Variants in LRCH3 observed in about 807,000 individuals in gnomAD.
LRCH3 encodes the protein leucine rich repeats and calponin homology domain containing 3, also known as DISP complex protein LRCH3.
A neutral mutation model predicts 104.5 loss-of-function variants in LRCH3; 68 were observed. The observed-to-expected ratio is 0.65, with a 90% CI of 0.54 to 0.80. LRCH3 has a LOEUF of 0.80. Ranked by LOEUF, LRCH3 falls within the 30% of genes least tolerant of loss-of-function variation. The pLI, the probability that LRCH3 is intolerant of heterozygous loss-of-function variation, is 0.00. For missense variants in LRCH3, 951 were observed against 953.9 expected (o/e 1.00, Z 0.04); for synonymous variants, 344 against 361.3 (o/e 0.95, Z 0.54).
chr3:197,791,447 G>A lies in LRCH3; in HGVS notation c.169G>A (p.Ala57Thr). ...RSLDRALEEA[A>T]VTGVLSLSGR... is the part of the protein sequence containing the mutation. The stretch of plus-strand genomic sequence containing the variant: ...TCTCGATCGAGCCCTGGAGGAGGCG[G>A]CGGTCACTGGGGTGCTGAGCCTGAG... The change falls in exon 1 of 21, where the codon GCG becomes ACG. Residue 57 changes from alanine (A) to threonine (T), a missense_variant. Transcript: ENST00000425562. 1 of 1,598,114 alleles carries A rather than the reference G, an allele frequency of 6.3e-7. No homozygotes were observed. The highest frequency in any genetic ancestry group is 8.5e-7 in the Non-Finnish European group (1 of 1,173,704).
At chr3:197,881,185 TG>T (rs1713730872) in intron 20 of LRCH3, 1 of 1,007,386 alleles carries the variant, frequency 9.9e-7, no homozygotes, top group Non-Finnish European at 1.2e-6. Context: ...TTTCTGGTTT[TG>T]GCCGCACCCG....
chr3:197,854,380 C>T lies in LRCH3; in HGVS notation c.1591-12C>T. The stretch of plus-strand genomic sequence containing the variant: ...GTTTCTGACATGGCTTCATTTTTCT[C>T]CATCTCTCCAGTGCCCCTTCCCATC... On this transcript the variant is annotated splice_polypyrimidine_tract_variant and intron_variant, in intron 13 of 20. Coordinates refer to ENST00000425562, the MANE Select transcript of LRCH3 (RefSeq NM_001365715.1). The surrounding 1 kb of genome is among the most constrained non-coding windows in gnomAD (Gnocchi z 4.5). 1 of 1,613,454 alleles carries T rather than the reference C, an allele frequency of 6.2e-7. No homozygotes were observed. The highest frequency in any genetic ancestry group is 8.5e-7 in the Non-Finnish European group (1 of 1,179,382).
At chr3:197,878,069 C>T (rs1713110073) in intron 20 of LRCH3, among the ~76,000 whole-genome samples, 1 of 152,170 alleles carries the variant, frequency 6.6e-6, no homozygotes, top group African/African-American at 2.4e-5. Context: ...CCAGTGTCTG[C>T]TCTAGTTCCC....
chr3:197,836,763 T>A (rs1409156984), intron 9 of LRCH3, among the ~76,000 whole-genome samples: 2 of 152,248 alleles, frequency 1.3e-5, no homozygotes, highest in Non-Finnish European at 2.9e-5. Flanking sequence ...CTGCAGCCTC[T>A]GCCTCCCAGG....
At chr3:197,881,305 G>A (rs1397652430) in intron 20 of LRCH3, 1 of 988,572 alleles carries the variant, frequency 1.0e-6, no homozygotes, top group Admixed American at 5.9e-5. Flanking sequence ...CAAAGGTATT[G>A]GCCATAATTT....
chr3:197,811,897 T>C (rs1354350203), intron 1 of LRCH3, among the ~76,000 whole-genome samples: 1 of 152,204 alleles, frequency 6.6e-6, no homozygotes, highest in Admixed American at 6.5e-5. Flanking sequence ...ATTTTATTGC[T>C]GAGACATAAG....
Position 197,880,170 on chromosome 3 carries a change from C to T in LRCH3, c.2209-3371C>T, listed in dbSNP as rs193128157. ...CCGTGTTAGCCGGGATGGTCTCGAT[C>T]TCCTGACCTCGTGATCCACCCGCCT... On this transcript the variant is annotated intron_variant, in intron 20 of 20. Transcript: ENST00000425562. Among the ~76,000 whole-genome samples the T allele has an allele frequency of 2.3e-3, 343 of 151,994 alleles. 1 individual carries two copies. Among genetic ancestry groups the T allele is most frequent in the Non-Finnish European group, 3.8e-3 (259 of 67,990 alleles).
intron 1 of LRCH3, among the ~76,000 whole-genome samples, chr3:197,811,286 ATTTCATACTGAT>A (rs1479869873): frequency 1.3e-5 from 2 of 152,120 alleles, no homozygotes; most frequent in Non-Finnish European, 2.9e-5. Flanking sequence ...TTTTTAGTTT[ATTTCATACTGAT>A]TGTGTATTTC....
intron 3 of LRCH3, among the ~76,000 whole-genome samples, chr3:197,819,663 C>T (rs1734261261): frequency 6.6e-6 from 1 of 151,780 alleles, no homozygotes; most frequent in Non-Finnish European, 1.5e-5. Context: ...TTACAGTGAG[C>T]TGAGATCGTG....
Position 197,880,038 on chromosome 3 carries a change from C to T in LRCH3, c.2209-3503C>T, listed in dbSNP as rs551890618. On this transcript the variant is annotated intron_variant, in intron 20 of 20. Coordinates refer to ENST00000425562, the MANE Select transcript of LRCH3 (RefSeq NM_001365715.1). ...TCGGCTCACTGCAAGCTCCGCCTCC[C>T]GGGTTCCCGCCATTCTCCTGCCTCA... Among the ~76,000 whole-genome samples, 17 of 150,950 alleles carry T rather than the reference C, an allele frequency of 1.1e-4. No homozygotes were observed. In the Middle Eastern group the frequency reaches 0.017, roughly 153 times the overall value.
chr3:197,881,696 G>C (rs1713786116), intron 20 of LRCH3: 1 of 985,274 alleles, frequency 1.0e-6, no homozygotes, highest in African/African-American at 1.7e-5. Flanking sequence ...TTAGATTCTA[G>C]TTTCATAAGT....
At chr3:197,879,516 G>T (rs186968302) in intron 20 of LRCH3, among the ~76,000 whole-genome samples, 5 of 148,332 alleles carry the variant, frequency 3.4e-5, no homozygotes, top group African/African-American at 5.3e-5. Context: ...CGTGGTGGCG[G>T]GCGCCTGTAG....
At chr3:197,822,807 T>TG (rs1580650989) in intron 4 of LRCH3, 1 of 149,862 alleles carries the variant, frequency 6.7e-6, no homozygotes, top group East Asian at 2.0e-4. Flanking sequence ...ATATTAAGAA[T>TG]CTTTTTTTTT....
intron 1 of LRCH3, among the ~76,000 whole-genome samples, chr3:197,794,920 G>A (rs1049273075): frequency 1.3e-5 from 2 of 151,932 alleles, no homozygotes; most frequent in African/African-American, 4.8e-5. Flanking sequence ...CACGAGACTC[G>A]CTTGAACCCA....
chr3:197,839,462 GT>G, intron 10 of LRCH3, 65 bp downstream of exon 10: 1 of 965,686 alleles, frequency 1.0e-6, no homozygotes, highest in East Asian at 2.6e-5. Context: ...AGTAATTTTG[GT>G]TTTATGCAGA....
rs765673591 is a variant in LRCH3, at chr3:197,854,359, C to T, written c.1591-33C>T. 3 of 1,602,180 alleles carry T rather than the reference C, an allele frequency of 1.9e-6. No individual in the cohort carries two copies. Among genetic ancestry groups the T allele is most frequent in the Non-Finnish European group, 2.6e-6 (3 of 1,169,036 alleles). ...CGTCACACGTGTGCGTAGTTTGTTTCTGACATGGCTTCATTTTTCTCCATC... is the reference window on the plus strand; with the variant it reads ...CGTCACACGTGTGCGTAGTTTGTTTTTGACATGGCTTCATTTTTCTCCATC... On this transcript the variant is annotated intron_variant, in intron 13 of 20. Transcript: ENST00000425562. This position sits in a 1 kb window ranked among gnomAD's most constrained non-coding sequence, Gnocchi z 4.5.
Position 197,810,591 on chromosome 3 carries a change from T to C in LRCH3, c.263-4317T>C, listed in dbSNP as rs1026699066. Among the ~76,000 whole-genome samples the C allele has an allele frequency of 1.3e-5, 2 of 152,188 alleles. No individual in the cohort carries two copies. The highest frequency in any genetic ancestry group is 4.8e-5 in the African/African-American group (2 of 41,450). ...TTCTCTCAACCTTTTATCTGTTTTA[T>C]GTATATTATCTCGGGTTTTTAGTTA... On this transcript the variant is annotated intron_variant, in intron 1 of 20. Coordinates refer to ENST00000425562, the MANE Select transcript of LRCH3 (RefSeq NM_001365715.1). This position sits in a 1 kb window ranked among gnomAD's most constrained non-coding sequence, Gnocchi z 4.0.
intron 20 of LRCH3, among the ~76,000 whole-genome samples, chr3:197,879,421 C>A (rs112819569): frequency 6.6e-6 from 1 of 151,060 alleles, no homozygotes; most frequent in Non-Finnish European, 1.5e-5. Flanking sequence ...CCGAGGTGGG[C>A]GGATCACGAG....
intron 11 of LRCH3, 69 bp downstream of exon 11, chr3:197,847,529 T>A: frequency 1.5e-6 from 2 of 1,356,282 alleles, no homozygotes; most frequent in Non-Finnish European, 2.0e-6. Context: ...TTATAATACT[T>A]AAATTGCCAT....
Sources: allele counts gnomAD v4.1 joint callset (sites outside exome capture counted in the v4.1 genomes callset), GRCh38; gene constraint gnomAD v4.1.1; non-coding constraint Gnocchi (gnomAD v3.1); transcripts MANE v1.5; gene names NCBI Gene and HGNC (gene_info 2026-07-23, HGNC 2026-07-21).